PMFBP1: variants seen among roughly 807,000 people sequenced by gnomAD.
PMFBP1 encodes the protein polyamine modulated factor 1 binding protein 1, also known as polyamine-modulated factor 1-binding protein 1.
PMFBP1 carries 131 observed loss-of-function variants against 137.8 expected under a neutral mutation model. The ratio of observed to expected loss-of-function variants is 0.95; its 90% CI spans 0.82 to 1.10. The LOEUF (loss-of-function observed/expected upper bound fraction) is 1.10. PMFBP1 is among the 50% of genes least tolerant of loss of function. PMFBP1 has a pLI of 0.00. For synonymous variants in PMFBP1, 490 were observed against 450.4 expected, an observed-to-expected ratio of 1.09 and a Z score of -1.11; for missense variants, 1,199 against 1,175.4, an observed-to-expected ratio of 1.02 and a Z score of -0.29.
chr16:72,181,097 G>A (rs2043274787), upstream of PMFBP1, among the ~76,000 whole-genome samples: 1 of 151,946 alleles, frequency 6.6e-6, no homozygotes, highest in African/African-American at 2.4e-5. Flanking sequence ...AAATTAGCTG[G>A]ACGTGGTGGC....
At chr16:72,159,767 G>T (rs978037002) in intron 3 of PMFBP1, among the ~76,000 whole-genome samples, 14 of 151,098 alleles carry the variant, frequency 9.3e-5, no homozygotes, top group Non-Finnish European at 1.8e-4. Context: ...TATCACAAAG[G>T]CACCAACTTA....
the PMFBP1 span, among the ~76,000 whole-genome samples, chr16:72,246,352 T>G: frequency 6.6e-6 from 1 of 152,174 alleles, no homozygotes; most frequent in East Asian, 1.9e-4. Context: ...CTCAGGACAC[T>G]GGTTTGCTGT....
At chr16:72,214,402 T>G in the PMFBP1 span, among the ~76,000 whole-genome samples, 1 of 152,266 alleles carries the variant, frequency 6.6e-6, no homozygotes, top group Admixed American at 6.5e-5. Flanking sequence ...GTCTCGATCC[T>G]CTGACATTGT....
At chr16:72,142,394 A>C (rs1022344067) in intron 5 of PMFBP1, among the ~76,000 whole-genome samples, 2 of 152,218 alleles carry the variant, frequency 1.3e-5, no homozygotes, top group Non-Finnish European at 2.9e-5. Flanking sequence ...TGAAGTGTTG[A>C]ATGGCTTAAC....
chr16:72,221,787 C>T, the PMFBP1 span, among the ~76,000 whole-genome samples: 102 of 152,338 alleles, frequency 6.7e-4, no homozygotes, highest in Non-Finnish European at 1.1e-3. Context: ...GATGATACTT[C>T]ATATGTCATA....
At chr16:72,121,030 CAA>C (rs1214100448) in intron 19 of PMFBP1, among the ~76,000 whole-genome samples, 1 of 152,186 alleles carries the variant, frequency 6.6e-6, no homozygotes. Context: ...CAGGAGAACT[CAA>C]GAGTGAGTTC....
the PMFBP1 span, among the ~76,000 whole-genome samples, chr16:72,222,981 A>C: frequency 6.6e-6 from 1 of 152,164 alleles, no homozygotes; most frequent in Non-Finnish European, 1.5e-5. Flanking sequence ...TCAAATAAAA[A>C]GGGGAGTGAA....
At chr16:72,195,418 G>A in the PMFBP1 span, among the ~76,000 whole-genome samples, 2 of 151,942 alleles carry the variant, frequency 1.3e-5, no homozygotes, top group East Asian at 1.9e-4. Flanking sequence ...TGAATCTCTT[G>A]CACTTCTAAC....
chr16:72,128,463 A>G (rs576542053), intron 14 of PMFBP1, 194 bp downstream of exon 14: 67 of 1,530,416 alleles, frequency 4.4e-5, no homozygotes, highest in Middle Eastern at 2.3e-4. Context: ...GACCTTCCAC[A>G]TATGGAAGAA....
chr16:72,167,520 T>C (rs1410673960), intron 2 of PMFBP1, among the ~76,000 whole-genome samples: 2 of 152,202 alleles, frequency 1.3e-5, no homozygotes, highest in Non-Finnish European at 1.5e-5. Flanking sequence ...CCTTAAAAGA[T>C]GGTGTACAGA....
chr16:72,138,274 C>A (rs1018218495), intron 7 of PMFBP1, among the ~76,000 whole-genome samples: 4 of 152,184 alleles, frequency 2.6e-5, no homozygotes, highest in Admixed American at 1.3e-4. Flanking sequence ...AGCATCTCCT[C>A]CTCCCCGACT....
At chr16:72,191,454 A>G in the PMFBP1 span, among the ~76,000 whole-genome samples, 68 of 152,250 alleles carry the variant, frequency 4.5e-4, no homozygotes, top group African/African-American at 1.4e-3. Flanking sequence ...TTATTTAAAT[A>G]TATCTCTTAT....
At chr16:72,136,285 G>C (rs998755923) in intron 9 of PMFBP1, among the ~76,000 whole-genome samples, 163 bp downstream of exon 9, 1 of 152,160 alleles carries the variant, frequency 6.6e-6, no homozygotes, top group African/African-American at 2.4e-5. Context: ...AAATACCAAA[G>C]AAGTGCTTAG....
chr16:72,203,072 G>A, the PMFBP1 span, among the ~76,000 whole-genome samples: 1 of 152,198 alleles, frequency 6.6e-6, no homozygotes, highest in Admixed American at 6.5e-5. Flanking sequence ...GTAAAACCCT[G>A]CTGATTCTTG....
chr16:72,120,512 A>T (rs2042362111), intron 19 of PMFBP1, among the ~76,000 whole-genome samples: 1 of 152,230 alleles, frequency 6.6e-6, no homozygotes, highest in African/African-American at 2.4e-5. Flanking sequence ...ACTCTCACCC[A>T]GCACCAATGC....
In PMFBP1 at chr16:72,129,688, T is replaced by C. The variant is rs528067056; in HGVS notation, c.1783-455A>G. Reference sequence around the variant, plus strand: ...CTTTTGAATCCTAGAAAGAACAACATTGTCATTTGATTAATTTTAAGGTTA... The same window carrying C: ...CTTTTGAATCCTAGAAAGAACAACACTGTCATTTGATTAATTTTAAGGTTA... On this transcript the variant is annotated intron_variant, in intron 12 of 20. Transcript: ENST00000237353. Among the ~76,000 whole-genome samples, 31 of 152,314 alleles carry C rather than the reference T, an allele frequency of 2.0e-4. No individual in the cohort carries two copies. In the South Asian group the frequency reaches 3.9e-3, roughly 19 times the overall value.
At chr16:72,224,304 C>T in the PMFBP1 span, among the ~76,000 whole-genome samples, 6 of 152,278 alleles carry the variant, frequency 3.9e-5, no homozygotes, top group South Asian at 1.2e-3. Flanking sequence ...AGAGCCTCTT[C>T]CTGAGTTTCC....
intron 2 of PMFBP1, among the ~76,000 whole-genome samples, chr16:72,168,024 C>T (rs2043169908): frequency 6.6e-6 from 1 of 152,216 alleles, no homozygotes; most frequent in Admixed American, 6.5e-5. Context: ...AGAATTGGAT[C>T]TTCAATACAG....
At chr16:72,188,111 T>C in the PMFBP1 span, among the ~76,000 whole-genome samples, 2 of 152,258 alleles carry the variant, frequency 1.3e-5, no homozygotes, top group Non-Finnish European at 2.9e-5. Flanking sequence ...GTTTGTTTAA[T>C]ATAACAATGG....
Sources: gnomAD v4.1 joint callset for allele counts (sites outside exome capture counted in the v4.1 genomes callset) on GRCh38, gnomAD v4.1.1 for gene constraint, MANE v1.5 for transcripts, NCBI Gene and HGNC (gene_info 2026-07-23, HGNC 2026-07-21) for gene names.